LPP: variants seen among roughly 807,000 people sequenced by gnomAD.
The protein encoded by LPP is lipoma-preferred partner.
A neutral mutation model predicts 60.4 loss-of-function variants in LPP; 38 were observed. The observed-to-expected ratio is 0.63, with a 90% confidence interval of 0.49 to 0.83. The LOEUF is 0.83. Ranked by LOEUF, LPP falls within the 40% of genes least tolerant of loss-of-function variation. LPP has a pLI of 0.00. For missense variants in LPP, 902 were observed against 783.6 expected (o/e 1.15, Z -1.80); for synonymous variants, 328 against 290.8 (o/e 1.13, Z -1.30).
intron 5 of LPP, among the ~76,000 whole-genome samples, chr3:188,509,912 T>C (rs573622500): frequency 2.6e-5 from 3 of 114,344 alleles, no homozygotes; most frequent in Non-Finnish European, 3.4e-5. Context: ...AGAGATGGGG[T>C]TTCACCATGT....
At chr3:188,192,323 G>A (rs1490292722) in intron 1 of LPP, among the ~76,000 whole-genome samples, 4 of 152,196 alleles carry the variant, frequency 2.6e-5, no homozygotes, top group Non-Finnish European at 4.4e-5. Flanking sequence ...AAACAGCACA[G>A]GACTTGACTG....
intron 7 of LPP, among the ~76,000 whole-genome samples, chr3:188,684,621 G>C (rs530286902): frequency 6.7e-6 from 1 of 148,828 alleles, no homozygotes; most frequent in Admixed American, 6.7e-5. Context: ...TCAGCAAATA[G>C]AATCTGTTGT....
intron 1 of LPP, among the ~76,000 whole-genome samples, chr3:188,162,518 G>C (rs909269795): frequency 1.3e-5 from 2 of 152,192 alleles, no homozygotes; most frequent in African/African-American, 4.8e-5. Flanking sequence ...AATCAGATTT[G>C]GGACAGGGAG....
intron 2 of LPP, among the ~76,000 whole-genome samples, chr3:188,229,304 G>C (rs190353685): frequency 6.6e-6 from 1 of 152,230 alleles, no homozygotes; most frequent in East Asian, 1.9e-4. Flanking sequence ...TGCTCCAGGC[G>C]TGACTAGCCC....
At chr3:188,781,545 A>G (rs1322445317) in intron 9 of LPP, among the ~76,000 whole-genome samples, 1 of 152,012 alleles carries the variant, frequency 6.6e-6, no homozygotes, top group Non-Finnish European at 1.5e-5. Flanking sequence ...GGGTGGCAGG[A>G]GAGAGAATGA....
At chr3:188,767,134 G>A (rs947716237) in intron 9 of LPP, among the ~76,000 whole-genome samples, 10 of 152,122 alleles carry the variant, frequency 6.6e-5, no homozygotes, top group Admixed American at 6.5e-4. Context: ...GAGATGCATA[G>A]CAAATAAAAT....
chr3:188,802,115 A>G (rs1025377192), intron 9 of LPP, among the ~76,000 whole-genome samples: 2 of 152,194 alleles, frequency 1.3e-5, no homozygotes, highest in African/African-American at 4.8e-5. Context: ...TATGTTTTCA[A>G]TCTCTCTGAA....
At chr3:188,157,801 G>C (rs1301949487) in intron 1 of LPP, among the ~76,000 whole-genome samples, 2 of 151,924 alleles carry the variant, frequency 1.3e-5, no homozygotes, top group African/African-American at 4.8e-5. Context: ...CTATAGAGAG[G>C]GGGGTGTCTG....
chr3:188,580,947 C>T (rs909208384), intron 6 of LPP, among the ~76,000 whole-genome samples: 1 of 151,996 alleles, frequency 6.6e-6, no homozygotes, highest in East Asian at 1.9e-4. Flanking sequence ...CTTCCAAGAC[C>T]TTTCAACTGA....
chr3:188,431,239 T>A (rs1472038882), intron 4 of LPP, among the ~76,000 whole-genome samples: 1 of 152,148 alleles, frequency 6.6e-6, no homozygotes, highest in East Asian at 1.9e-4. Flanking sequence ...CTGGAACAGC[T>A]GCCAGGAAAC....
intron 2 of LPP, among the ~76,000 whole-genome samples, chr3:188,261,686 T>C (rs1277194320): frequency 1.3e-5 from 2 of 151,818 alleles, no homozygotes; most frequent in Non-Finnish European, 2.9e-5. Flanking sequence ...GGTAGGAGAA[T>C]TGCTTGAGGT....
chr3:188,799,542 C>T (rs893879041), intron 9 of LPP, among the ~76,000 whole-genome samples: 1 of 152,154 alleles, frequency 6.6e-6, no homozygotes, highest in Non-Finnish European at 1.5e-5. Context: ...TAAGGAAGCT[C>T]TTTATCGTTA....
chr3:188,618,434 T>G (rs1437468439), intron 7 of LPP, among the ~76,000 whole-genome samples: 2 of 152,240 alleles, frequency 1.3e-5, no homozygotes, highest in African/African-American at 4.8e-5. Flanking sequence ...GGCAACTTCT[T>G]TAGTATCCTA....
intron 8 of LPP, among the ~76,000 whole-genome samples, chr3:188,751,863 G>T (rs112561659): frequency 6.6e-6 from 1 of 152,040 alleles, no homozygotes; most frequent in African/African-American, 2.4e-5. Flanking sequence ...CATCACCCCG[G>T]GGTCTACAAA....
intron 3 of LPP, among the ~76,000 whole-genome samples, chr3:188,378,786 A>G (rs1271219471): frequency 1.3e-5 from 2 of 151,810 alleles, no homozygotes; most frequent in Admixed American, 6.6e-5. Context: ...TGCAGAAATC[A>G]CCCATCTTCT....
At chr3:188,801,444 G>A (rs192998458) in intron 9 of LPP, among the ~76,000 whole-genome samples, 80 of 152,128 alleles carry the variant, frequency 5.3e-4, no homozygotes, top group East Asian at 2.1e-3. Context: ...TGCTCAGGGC[G>A]TATTATTTTG....
At chr3:188,460,184 T>C (rs1339508798) in intron 4 of LPP, among the ~76,000 whole-genome samples, 1 of 152,190 alleles carries the variant, frequency 6.6e-6, no homozygotes, top group Non-Finnish European at 1.5e-5. Context: ...ATGTCAACTT[T>C]CCTGTTTTTG....
intron 9 of LPP, among the ~76,000 whole-genome samples, chr3:188,853,022 C>A (rs965957008): frequency 6.6e-6 from 1 of 152,002 alleles, no homozygotes; most frequent in Non-Finnish European, 1.5e-5. Context: ...CAGTGTCGGG[C>A]ACCTGTAATC....
chr3:188,768,238 T>A (rs1734764171), intron 9 of LPP, among the ~76,000 whole-genome samples: 1 of 152,142 alleles, frequency 6.6e-6, no homozygotes, highest in African/African-American at 2.4e-5. Context: ...ACAAATGATT[T>A]CTGTGCTATT....
Sources: gnomAD v4.1 joint callset for allele counts (sites outside exome capture counted in the v4.1 genomes callset) on GRCh38, gnomAD v4.1.1 for gene constraint, MANE v1.5 for transcripts, NCBI Gene and HGNC (gene_info 2026-07-23, HGNC 2026-07-21) for gene names.